SLC44A5: variants seen among roughly 807,000 people sequenced by gnomAD.
SLC44A5 encodes choline transporter-like protein 5.
SLC44A5 carries 57 observed loss-of-function variants against 101.8 expected under a neutral mutation model. That is an observed-to-expected ratio of 0.56 (90% confidence interval 0.45 to 0.70). SLC44A5 has a LOEUF of 0.70. Ranked by LOEUF, SLC44A5 falls within the 30% of genes least tolerant of loss-of-function variation. SLC44A5 has a pLI of 0.00. For missense variants in SLC44A5, 737 were observed against 853.1 expected (o/e 0.86, Z 1.70); for synonymous variants, 281 against 290.9 (o/e 0.97, Z 0.35).
intron 1 of SLC44A5, among the ~76,000 whole-genome samples, chr1:75,560,174 T>G (rs1672442493): frequency 6.6e-6 from 1 of 152,112 alleles, no homozygotes; most frequent in Non-Finnish European, 1.5e-5. Context: ...ACAATTCCAC[T>G]CCTAAGTATA....
chr1:75,614,231 TG>T (rs1675772524), upstream of SLC44A5, among the ~76,000 whole-genome samples: 1 of 152,248 alleles, frequency 6.6e-6, no homozygotes, highest in East Asian at 1.9e-4. Context: ...GGAATCTGTT[TG>T]TAGGTGAATA....
At chr1:75,670,783 A>T in the SLC44A5 span, among the ~76,000 whole-genome samples, 15 of 152,322 alleles carry the variant, frequency 9.8e-5, no homozygotes, top group Admixed American at 9.2e-4. Context: ...TCTTGTGACT[A>T]TACTTTGAAA....
intron 2 of SLC44A5, among the ~76,000 whole-genome samples, chr1:75,481,339 C>T (rs1667832447): frequency 6.6e-6 from 1 of 152,146 alleles, no homozygotes; most frequent in African/African-American, 2.4e-5. Context: ...AGGACATAGG[C>T]ATGGGCAAGG....
chr1:75,696,623 C>T, the SLC44A5 span, among the ~76,000 whole-genome samples: 30 of 152,204 alleles, frequency 2.0e-4, no homozygotes, highest in East Asian at 7.7e-4. Flanking sequence ...CGGCCAGGTG[C>T]GGTGGCTCAC....
chr1:75,633,993 C>T, the SLC44A5 span, among the ~76,000 whole-genome samples: 1 of 151,902 alleles, frequency 6.6e-6, no homozygotes, highest in Non-Finnish European at 1.5e-5. Flanking sequence ...TGGTTTTTGT[C>T]TTTGGTTCTG....
intron 7 of SLC44A5, among the ~76,000 whole-genome samples, chr1:75,244,052 C>G (rs1169497537): frequency 6.6e-6 from 1 of 152,108 alleles, no homozygotes; most frequent in African/African-American, 2.4e-5. Flanking sequence ...AAGCAGAAAG[C>G]TGAAGCCCTC....
intron 1 of SLC44A5, among the ~76,000 whole-genome samples, chr1:75,555,132 C>G (rs919684477): frequency 6.6e-6 from 1 of 152,046 alleles, no homozygotes; most frequent in Non-Finnish European, 1.5e-5. Flanking sequence ...ATGGTTGAAC[C>G]TCACAGATAT....
chr1:75,264,128 TAAAAAAA>T (rs60140695), intron 6 of SLC44A5, among the ~76,000 whole-genome samples: 2 of 141,656 alleles, frequency 1.4e-5, no homozygotes, highest in African/African-American at 2.6e-5. Flanking sequence ...TTAAAGTATT[TAAAAAAA>T]AAAAAAAAAA....
chr1:75,695,259 T>C, the SLC44A5 span, among the ~76,000 whole-genome samples: 1 of 152,218 alleles, frequency 6.6e-6, no homozygotes, highest in Non-Finnish European at 1.5e-5. Flanking sequence ...TCCTGTTGAC[T>C]TTGGCTAACA....
intron 4 of SLC44A5, among the ~76,000 whole-genome samples, chr1:75,335,760 ACT>A (rs1657393552): frequency 6.6e-6 from 1 of 152,170 alleles, no homozygotes; most frequent in African/African-American, 2.4e-5. Flanking sequence ...TTCTAGTTTA[ACT>A]CTTAGAAAAC....
At chr1:75,542,560 A>G (rs1671414426) in intron 1 of SLC44A5, among the ~76,000 whole-genome samples, 1 of 152,104 alleles carries the variant, frequency 6.6e-6, no homozygotes, top group African/African-American at 2.4e-5. Context: ...TCAAAAAGGT[A>G]GTCTCTCATT....
chr1:75,251,420 A>T (rs1649563395), intron 6 of SLC44A5, 126 bp from the exon 7 acceptor site: 1 of 665,932 alleles, frequency 1.5e-6, no homozygotes, highest in South Asian at 2.0e-5. Context: ...GCTGAAATAT[A>T]TTCTCCCTCT....
intron 8 of SLC44A5, 131 bp from the exon 9 acceptor site, chr1:75,242,192 T>TCTTACA: frequency 3.3e-6 from 2 of 614,686 alleles, no homozygotes; most frequent in Non-Finnish European, 5.6e-6. Context: ...CTACTAATAA[T>TCTTACA]ATTAATTGTA....
intron 1 of SLC44A5, among the ~76,000 whole-genome samples, chr1:75,543,448 C>T (rs532550900): frequency 6.6e-6 from 1 of 151,924 alleles, no homozygotes; most frequent in South Asian, 2.1e-4. Flanking sequence ...ACTTTTTCTC[C>T]ATGTTTACTT....
rs529794773 is a variant in SLC44A5, at chr1:75,254,662, T to C, written c.261-3368A>G. 9.4e-4 allele frequency among the ~76,000 whole-genome samples: 143 copies of C among 152,170 alleles called. 3 individuals are homozygous for C. The South Asian group carries it at 0.029, about 31-fold the overall frequency. ...AGCAATATTTGGAATACGGGATGCA[T>C]ATTGAAGTGTGCTGAACAATGAATG... On this transcript the variant is annotated intron_variant, in intron 6 of 23. Coordinates refer to ENST00000370859, the MANE Select transcript of SLC44A5 (RefSeq NM_001130058.2).
At chr1:75,535,158 A>G (rs1041605960) in intron 2 of SLC44A5, among the ~76,000 whole-genome samples, 1 of 152,056 alleles carries the variant, frequency 6.6e-6, no homozygotes, top group African/African-American at 2.4e-5. Flanking sequence ...AAACCAGGAT[A>G]ACAGGCAGTT....
intron 9 of SLC44A5, among the ~76,000 whole-genome samples, chr1:75,239,773 T>C (rs1248373698): frequency 6.6e-6 from 1 of 152,112 alleles, no homozygotes; most frequent in Non-Finnish European, 1.5e-5. Flanking sequence ...CCTCCAGATA[T>C]GTTTTAGTCT....
chr1:75,479,884 C>A (rs1667717626), intron 2 of SLC44A5, among the ~76,000 whole-genome samples: 1 of 152,198 alleles, frequency 6.6e-6, no homozygotes, highest in Admixed American at 6.5e-5. Context: ...AGAGGGAATC[C>A]TCCCTAACTC....
At chr1:75,617,267 T>C in the SLC44A5 span, among the ~76,000 whole-genome samples, 3 of 152,218 alleles carry the variant, frequency 2.0e-5, no homozygotes, top group East Asian at 3.9e-4. Flanking sequence ...CCTCCTAGGT[T>C]AGTACAGTTC....
Sources: allele counts gnomAD v4.1 joint callset (sites outside exome capture counted in the v4.1 genomes callset), GRCh38; gene constraint gnomAD v4.1.1; transcripts MANE v1.5; gene names NCBI Gene and HGNC (gene_info 2026-07-23, HGNC 2026-07-21).